The following BMPR1B variants were observed in gnomAD, a reference collection of about 807,000 sequenced individuals.
BMPR1B encodes bone morphogenetic protein receptor type-1B.
A neutral mutation model predicts 59.1 loss-of-function variants in BMPR1B; 12 were observed. The observed-to-expected ratio is 0.20, with a 90% CI of 0.13 to 0.33. BMPR1B has a LOEUF of 0.33. Ranked by LOEUF, BMPR1B falls within the 10% of genes least tolerant of loss-of-function variation. BMPR1B has a pLI of 1.00. For synonymous variants in BMPR1B, 237 were observed against 207.3 expected (o/e 1.14, Z -1.23); for missense variants, 550 against 610.9 (o/e 0.90, Z 1.05).
At chr4:95,015,858 C>T (rs915146991) in intron 3 of BMPR1B, among the ~76,000 whole-genome samples, 8 of 152,086 alleles carry the variant, frequency 5.3e-5, no homozygotes, top group Non-Finnish European at 1.0e-4. Flanking sequence ...ACGCCCAGCT[C>T]ATTTTTGTAT....
intron 1 of BMPR1B, among the ~76,000 whole-genome samples, chr4:94,803,948 G>A (rs1029314219): frequency 1.3e-5 from 2 of 152,062 alleles, no homozygotes; most frequent in Non-Finnish European, 1.5e-5. Flanking sequence ...GTGGAATCTC[G>A]GCTCACTGCA....
chr4:95,086,138 CTA>C (rs1729558221), intron 3 of BMPR1B, among the ~76,000 whole-genome samples: 1 of 152,104 alleles, frequency 6.6e-6, no homozygotes. Context: ...AAAGCTATGA[CTA>C]TTAGGTCATT....
chr4:95,138,678 C>T (rs1347123078), intron 10 of BMPR1B, among the ~76,000 whole-genome samples: 1 of 152,186 alleles, frequency 6.6e-6, no homozygotes, highest in African/African-American at 2.4e-5. Context: ...CACTGATACC[C>T]TTTCTTTCAC....
chr4:95,123,061 G>C (rs1732640606), intron 6 of BMPR1B, among the ~76,000 whole-genome samples: 1 of 151,970 alleles, frequency 6.6e-6, no homozygotes, highest in East Asian at 1.9e-4. Flanking sequence ...AAATCTTTGG[G>C]GTTAAAGTCA....
intron 1 of BMPR1B, among the ~76,000 whole-genome samples, chr4:94,861,450 A>T (rs950103441): frequency 3.9e-5 from 6 of 152,190 alleles, no homozygotes; most frequent in Non-Finnish European, 5.9e-5. Context: ...CCAAGAATGG[A>T]GTCTTCCTTT....
intron 1 of BMPR1B, among the ~76,000 whole-genome samples, chr4:94,870,707 T>G (rs1434501122): frequency 6.6e-6 from 1 of 152,194 alleles, no homozygotes; most frequent in Non-Finnish European, 1.5e-5. Flanking sequence ...TTTGGTAGTC[T>G]TCAGCAAAAA....
intron 1 of BMPR1B, among the ~76,000 whole-genome samples, chr4:94,859,741 T>C (rs1279484729): frequency 6.6e-6 from 1 of 152,122 alleles, no homozygotes; most frequent in African/African-American, 2.4e-5. Flanking sequence ...TATGCAGTGA[T>C]AATGAAGTAT....
At chr4:95,096,870 T>TTA (rs1235464252) in intron 3 of BMPR1B, among the ~76,000 whole-genome samples, 4 of 141,154 alleles carry the variant, frequency 2.8e-5, no homozygotes, top group Non-Finnish European at 6.1e-5. Flanking sequence ...ATAACTATAG[T>TTA]TATATATATA....
chr4:95,142,150 G>C (rs770668991), intron 10 of BMPR1B, among the ~76,000 whole-genome samples: 2 of 152,142 alleles, frequency 1.3e-5, no homozygotes, highest in Admixed American at 6.5e-5. Flanking sequence ...TAGCAGCATT[G>C]AATGTTGAAA....
rs60404669 is a variant in BMPR1B, at chr4:95,053,281, T to TTGTGTGTGTGTGTGTGTGTGTGTG, written c.-17-51108_-17-51085dup. The stretch of plus-strand genomic sequence containing the variant: ...TTAAAAAGCTCCCTTTGCAGGGCAC[T>TTGTGTGTGTGTGTGTGTGTGTGTG]TGTGTGTGTGTGTGTGTGTGTGTGT... On this transcript the variant is annotated intron_variant, in intron 3 of 12. Coordinates refer to ENST00000515059, the MANE Select transcript of BMPR1B (RefSeq NM_001203.3). 1.7e-3 allele frequency among the ~76,000 whole-genome samples: 230 copies of TTGTGTGTGTGTGTGTGTGTGTGTG among 134,310 alleles called. 2 individuals are homozygous for TTGTGTGTGTGTGTGTGTGTGTGTG. Among genetic ancestry groups the TTGTGTGTGTGTGTGTGTGTGTGTG allele is most frequent in the Middle Eastern group, 3.8e-3 (1 of 260 alleles). The allele number at this position is 134,310 out of a possible 152,430, so 88.1% of individuals were successfully genotyped here.
chr4:94,792,712 G>A (rs996194941), intron 1 of BMPR1B, among the ~76,000 whole-genome samples: 32 of 152,064 alleles, frequency 2.1e-4, no homozygotes, highest in African/African-American at 7.5e-4. Context: ...TTTTTAAATT[G>A]TGACTTTATG....
chr4:94,819,884 G>C (rs1038638372), intron 1 of BMPR1B, among the ~76,000 whole-genome samples: 1 of 152,158 alleles, frequency 6.6e-6, no homozygotes, highest in African/African-American at 2.4e-5. Flanking sequence ...TGAAATGTTG[G>C]CTTGAAAACA....
chr4:95,057,282 G>A (rs1190715058), intron 3 of BMPR1B, among the ~76,000 whole-genome samples: 1 of 151,712 alleles, frequency 6.6e-6, no homozygotes, highest in African/African-American at 2.4e-5. Context: ...ATCTCACTCT[G>A]TCACCAGGCT....
At chr4:95,102,269 A>T (rs1214686235) in intron 3 of BMPR1B, among the ~76,000 whole-genome samples, 1 of 152,208 alleles carries the variant, frequency 6.6e-6, no homozygotes, top group African/African-American at 2.4e-5. Context: ...TCACATGAGG[A>T]TATTTTCTTT....
chr4:95,072,505 C>T (rs1728384924), intron 3 of BMPR1B, among the ~76,000 whole-genome samples: 1 of 152,118 alleles, frequency 6.6e-6, no homozygotes, highest in South Asian at 2.1e-4. Flanking sequence ...AAGTGGAAGA[C>T]AAGTGTCAGG....
chr4:95,049,438 T>TGCAG (rs1347294298), intron 3 of BMPR1B, among the ~76,000 whole-genome samples: 7 of 18,482 alleles, frequency 3.8e-4, no homozygotes, highest in African/African-American at 5.4e-4. Context: ...TTTTTTTTTT[T>TGCAG]TTTTTTTTTT....
intron 1 of BMPR1B, among the ~76,000 whole-genome samples, chr4:94,839,722 A>C (rs1344133568): frequency 7.3e-6 from 1 of 136,748 alleles, no homozygotes; most frequent in Non-Finnish European, 1.6e-5. Flanking sequence ...CCAATTTGCC[A>C]GTCTATGTCT....
chr4:94,865,304 A>T (rs1726172433), intron 1 of BMPR1B, among the ~76,000 whole-genome samples: 1 of 151,972 alleles, frequency 6.6e-6, no homozygotes, highest in African/African-American at 2.4e-5. Context: ...TTTTAGGTTA[A>T]TTCAGAAAAA....
chr4:94,846,167 C>G (rs1396767944), intron 1 of BMPR1B, among the ~76,000 whole-genome samples: 1 of 152,166 alleles, frequency 6.6e-6, no homozygotes, highest in East Asian at 1.9e-4. Context: ...CATACATCTA[C>G]AGTGAACTCG....
Sources: gnomAD v4.1 joint callset for allele counts (sites outside exome capture counted in the v4.1 genomes callset) on GRCh38, gnomAD v4.1.1 for gene constraint, MANE v1.5 for transcripts, NCBI Gene and HGNC (gene_info 2026-07-23, HGNC 2026-07-21) for gene names.